Variants in MKLN1 observed in about 807,000 individuals in gnomAD.
MKLN1 encodes the protein muskelin 1, also known as muskelin.
A neutral mutation model predicts 99.0 loss-of-function variants in MKLN1; 18 were observed. That is an observed-to-expected ratio of 0.18 (90% CI 0.13 to 0.27). The LOEUF (loss-of-function observed/expected upper bound fraction) is 0.27, where lower values mean the gene tolerates loss of function less well. Ranked by LOEUF, MKLN1 falls within the 10% of genes least tolerant of loss-of-function variation. The pLI, the probability that MKLN1 is intolerant of heterozygous loss-of-function variation, is 1.00. For synonymous variants in MKLN1, 288 were observed against 293.2 expected (o/e 0.98, Z 0.18); for missense variants, 621 against 875.9 (o/e 0.71, Z 3.67).
intron 12 of MKLN1, among the ~76,000 whole-genome samples, chr7:131,453,902 G>T (rs183057789): frequency 1.3e-5 from 2 of 152,062 alleles, no homozygotes; most frequent in Non-Finnish European, 2.9e-5. Flanking sequence ...ATACTTCGAA[G>T]AAAAAATAAT....
intron 1 of MKLN1, among the ~76,000 whole-genome samples, chr7:131,340,661 G>A (rs1181623395): frequency 6.6e-6 from 1 of 152,098 alleles, no homozygotes; most frequent in African/African-American, 2.4e-5. Context: ...TAGAATGTAT[G>A]GAATTTTCCT....
At chr7:131,206,530 G>GTGTAATTATTATTATTATTATTAT (rs754090884) in intron 3 of MKLN1, among the ~76,000 whole-genome samples, 14 of 144,756 alleles carry the variant, frequency 9.7e-5, no homozygotes, top group South Asian at 2.2e-4. Flanking sequence ...GTATGTATGT[G>GTGTAATTATTATTATTATTATTAT]TATAATTATT....
chr7:131,444,011 A>G (rs769553650), intron 11 of MKLN1, among the ~76,000 whole-genome samples: 5 of 152,052 alleles, frequency 3.3e-5, no homozygotes, highest in East Asian at 1.9e-4. Context: ...TAGAAGGACA[A>G]TTTCTTACTC....
intron 4 of MKLN1, among the ~76,000 whole-genome samples, chr7:131,395,560 A>G (rs1276122705): frequency 2.0e-5 from 3 of 151,262 alleles, no homozygotes; most frequent in African/African-American, 7.3e-5. Flanking sequence ...CACTAATAGT[A>G]CTTTTTGGTG....
intron 1 of MKLN1, among the ~76,000 whole-genome samples, chr7:131,132,551 A>G (rs888765441): frequency 6.6e-6 from 1 of 152,228 alleles, no homozygotes; most frequent in South Asian, 2.1e-4. Flanking sequence ...GGGCTGTCGT[A>G]TGGAAAAAAG....
At chr7:131,196,780 A>G (rs1263455124) in intron 2 of MKLN1, among the ~76,000 whole-genome samples, 2 of 152,068 alleles carry the variant, frequency 1.3e-5, no homozygotes, top group Non-Finnish European at 2.9e-5. Flanking sequence ...TTCTCTATAC[A>G]ATTTAGAAGC....
chr7:131,264,976 T>C (rs1232630646), intron 3 of MKLN1, among the ~76,000 whole-genome samples: 1 of 152,046 alleles, frequency 6.6e-6, no homozygotes, highest in African/African-American at 2.4e-5. Context: ...GTAGCTGGGA[T>C]TACAGGTACC....
chr7:131,291,101 T>TTTTTTTTATTTATTTA (rs1554547691), intron 3 of MKLN1, among the ~76,000 whole-genome samples: 24 of 134,866 alleles, frequency 1.8e-4, no homozygotes, highest in Non-Finnish European at 3.1e-4. Context: ...TCTCATTTTA[T>TTTTTTTTATTTATTTA]TTTATTTATT....
chr7:131,161,818 C>T (rs553454855), intron 2 of MKLN1, among the ~76,000 whole-genome samples: 19 of 152,044 alleles, frequency 1.2e-4, no homozygotes, highest in Admixed American at 5.9e-4. Context: ...GGATTACAGG[C>T]GTGAGCCACA....
rs1404651116 is a variant in MKLN1, at chr7:131,493,781, G to GC, written c.*6053_*6054insC. ...TGCAACATAGCTCTGTACCATCTGG[G>GC]ATGCTAGCAGTCACAGCAGTTAGCT... On this transcript the variant is annotated 3_prime_UTR_variant, in exon 18 of 18. Coordinates refer to ENST00000352689, the MANE Select transcript of MKLN1 (RefSeq NM_013255.5). 2 of 152,114 alleles carry GC rather than the reference G, an allele frequency of 1.3e-5. No individual in the cohort carries two copies. Among genetic ancestry groups the GC allele is most frequent in the Non-Finnish European group, 2.9e-5 (2 of 68,012 alleles). 9.4% of individuals were successfully genotyped at this position (152,114 alleles called of 1,614,324 possible).
chr7:131,170,977 A>G (rs1255278784), intron 2 of MKLN1, among the ~76,000 whole-genome samples: 2 of 152,236 alleles, frequency 1.3e-5, no homozygotes, highest in East Asian at 3.8e-4. Context: ...CATTTTGGGC[A>G]GTTCTAAATG....
At chr7:131,384,195 G>T (rs954825821) in intron 2 of MKLN1, among the ~76,000 whole-genome samples, 30 of 149,746 alleles carry the variant, frequency 2.0e-4, no homozygotes, top group African/African-American at 7.1e-4. Flanking sequence ...GGCTGGCTCT[G>T]TGTAGTAGAT....
chr7:131,463,414 G>A, intron 13 of MKLN1, 50 bp downstream of exon 13: 1 of 1,544,946 alleles, frequency 6.5e-7, no homozygotes, highest in Non-Finnish European at 8.8e-7. Flanking sequence ...ATTATTTGAG[G>A]TTGTTGGTTT....
At chr7:131,358,773 T>C (rs1303962282) in intron 1 of MKLN1, among the ~76,000 whole-genome samples, 2 of 152,170 alleles carry the variant, frequency 1.3e-5, no homozygotes, top group African/African-American at 4.8e-5. Flanking sequence ...TTTTAAGGAA[T>C]TGGTCCATTT....
At chr7:131,162,363 T>A (rs1490007990) in intron 2 of MKLN1, among the ~76,000 whole-genome samples, 1 of 152,146 alleles carries the variant, frequency 6.6e-6, no homozygotes, top group Non-Finnish European at 1.5e-5. Flanking sequence ...TGTGTTATAT[T>A]TTTTACTGTT....
chr7:131,133,820 G>GTTTTT (rs1563226583), intron 1 of MKLN1, among the ~76,000 whole-genome samples: 7 of 24,070 alleles, frequency 2.9e-4, no homozygotes, highest in Non-Finnish European at 4.5e-4. Context: ...TTTTAATTTG[G>GTTTTT]TTTTTTTTTT....
chr7:131,112,898 T>C (rs1217602274), intron 1 of MKLN1, among the ~76,000 whole-genome samples: 2 of 152,206 alleles, frequency 1.3e-5, no homozygotes, highest in Admixed American at 1.3e-4. Context: ...ATTCACAGTA[T>C]TGAGAAGTAG....
intron 2 of MKLN1, among the ~76,000 whole-genome samples, chr7:131,383,147 A>G (rs919188594): frequency 6.6e-6 from 1 of 151,934 alleles, no homozygotes; most frequent in African/African-American, 2.4e-5. Flanking sequence ...ACACCTTAAA[A>G]CCTTTTTATG....
intron 3 of MKLN1, among the ~76,000 whole-genome samples, chr7:131,216,729 G>A (rs1342908404): frequency 2.6e-5 from 4 of 152,132 alleles, no homozygotes; most frequent in Admixed American, 6.5e-5. Flanking sequence ...TTGTGTCTGT[G>A]TCTGTCACCT....
Sources: allele counts gnomAD v4.1 joint callset (sites outside exome capture counted in the v4.1 genomes callset), GRCh38; gene constraint gnomAD v4.1.1; transcripts MANE v1.5; gene names NCBI Gene and HGNC (gene_info 2026-07-23, HGNC 2026-07-21).